Variants in PRPF18 observed in about 807,000 individuals in gnomAD.
PRPF18 encodes pre-mRNA-splicing factor 18.
PRPF18 carries 38 observed loss-of-function variants against 46.5 expected under a neutral mutation model. That is an observed-to-expected ratio of 0.82 (90% CI 0.63 to 1.07). The LOEUF is 1.07. Among genes scored for constraint, PRPF18 ranks in the 50% least tolerant of loss-of-function variants. The pLI, the probability that PRPF18 is intolerant of heterozygous loss-of-function variation, is 0.00. For synonymous variants in PRPF18, 152 were observed against 146.7 expected, an observed-to-expected ratio of 1.04 and a Z score of -0.26; for missense variants, 263 against 410.0, an observed-to-expected ratio of 0.64 and a Z score of 3.10.
At chr10:13,596,707 C>A (rs2080040182) in intron 1 of PRPF18, among the ~76,000 whole-genome samples, 1 of 152,098 alleles carries the variant, frequency 6.6e-6, no homozygotes, top group Non-Finnish European at 1.5e-5. Flanking sequence ...TAGCCACAGA[C>A]AAGATTTAGA....
chr10:13,653,278 C>G, the PRPF18 span: 1 of 152,146 alleles, frequency 6.6e-6, no homozygotes, highest in African/African-American at 2.4e-5. Context: ...CTTTGGGAAG[C>G]TGAGGTGGGT....
intron 4 of PRPF18, among the ~76,000 whole-genome samples, chr10:13,606,003 T>C (rs2502207): frequency 0.71 from 108,431 of 151,982 alleles, 39,192 homozygotes; most frequent in East Asian, 0.84. Flanking sequence ...GAAATTTCCC[T>C]GAGAGCATCA....
chr10:13,652,187 CTT>C, the PRPF18 span: 8 of 589,454 alleles, frequency 1.4e-5, no homozygotes, highest in African/African-American at 1.5e-4. Flanking sequence ...GACGGGCCCT[CTT>C]TTACCCATGG....
Position 13,611,187 on chromosome 10 carries a change from CTTT to C in PRPF18, c.511-412_511-410del, listed in dbSNP as rs35441441. On this transcript the variant is annotated intron_variant, in intron 5 of 9. Transcript: ENST00000378572. The stretch of plus-strand genomic sequence containing the variant: ...ATTGGTATGGGCAACCAGTTGTGGG[CTTT>C]TTTTTTTTTTTTTTTCCTATTGGTG... 4.6e-4 allele frequency among the ~76,000 whole-genome samples: 56 copies of C among 120,972 alleles called. No homozygotes were observed. The East Asian group carries it at 8.7e-3, about 19-fold the overall frequency. The allele number at this position is 120,972 out of a possible 152,430, so 79.4% of individuals were successfully genotyped here. A position where few individuals can be genotyped will look rare whatever the true frequency, so the allele number is the denominator to read the frequency against.
downstream of PRPF18, chr10:13,631,413 C>G (rs1274093679): frequency 1.3e-5 from 2 of 152,252 alleles, no homozygotes; most frequent in Non-Finnish European, 2.9e-5. Context: ...CATCTCAGCT[C>G]TGCACCTGCT....
intron 1 of PRPF18, among the ~76,000 whole-genome samples, chr10:13,589,472 C>T (rs765246416): frequency 3.9e-5 from 6 of 152,258 alleles, no homozygotes; most frequent in East Asian, 1.9e-4. Flanking sequence ...ACTCCTTTAT[C>T]ATAAGGAGTA....
intron 1 of PRPF18, among the ~76,000 whole-genome samples, chr10:13,588,022 C>G (rs2079901900): frequency 6.6e-6 from 1 of 152,122 alleles, no homozygotes; most frequent in South Asian, 2.1e-4. Flanking sequence ...CTAACTGCCC[C>G]CTATCCCCGC....
chr10:13,605,252 T>TA (rs2080166050), intron 3 of PRPF18, among the ~76,000 whole-genome samples: 1 of 152,212 alleles, frequency 6.6e-6, no homozygotes. Context: ...AGGTACAATA[T>TA]ACAAATTGTT....
chr10:13,598,134 G>A (rs1256322437), intron 2 of PRPF18, among the ~76,000 whole-genome samples: 4 of 152,066 alleles, frequency 2.6e-5, no homozygotes, highest in Admixed American at 2.6e-4. Context: ...ATGTCATCTT[G>A]AAATATTTCT....
At chr10:13,614,160 G>T in intron 8 of PRPF18, 74 bp downstream of exon 8, 1 of 1,136,022 alleles carries the variant, frequency 8.8e-7, no homozygotes, top group Non-Finnish European at 1.2e-6. Flanking sequence ...TGTTCATTTG[G>T]GATAGGAGGA....
intron 1 of PRPF18, among the ~76,000 whole-genome samples, chr10:13,590,682 T>C (rs955956949): frequency 6.6e-6 from 1 of 151,236 alleles, no homozygotes; most frequent in African/African-American, 2.4e-5. Context: ...TTAGGCATCA[T>C]GCAATATGTG....
intron 9 of PRPF18, among the ~76,000 whole-genome samples, chr10:13,618,484 G>C (rs1010982086): frequency 6.6e-6 from 1 of 151,794 alleles, no homozygotes; most frequent in African/African-American, 2.4e-5. Flanking sequence ...AAACTAGCCA[G>C]GCATGGTTGT....
chr10:13,601,045 T>C (rs1487671848), intron 3 of PRPF18, among the ~76,000 whole-genome samples: 2 of 152,154 alleles, frequency 1.3e-5, no homozygotes, highest in East Asian at 3.8e-4. Context: ...CCTTCCAAAG[T>C]GCTGGGATTA....
rs111304639 is a variant in PRPF18 at position 13,616,817 on chromosome 10, CT to C, written c.948+275del. ...ACTGAAATAAAATGATTGCAGTTTG[CT>C]TTTTTTTTTTAAGACGTGTATTAGG... On this transcript the variant is annotated intron_variant, in intron 9 of 9. Coordinates refer to ENST00000378572, the MANE Select transcript of PRPF18 (RefSeq NM_003675.4). Among the ~76,000 whole-genome samples the C allele has an allele frequency of 1.6e-3, 229 of 145,532 alleles. 1 individual carries two copies. Among genetic ancestry groups the C allele is most frequent in the South Asian group, 0.013 (59 of 4,566 alleles).
At chr10:13,651,959 G>T in the PRPF18 span, 1 of 1,587,918 alleles carries the variant, frequency 6.3e-7, no homozygotes, top group Non-Finnish European at 8.6e-7. Flanking sequence ...GAATGGGTGA[G>T]TTTTCTGTTG....
the PRPF18 span, among the ~76,000 whole-genome samples, chr10:13,650,268 T>C: frequency 6.6e-6 from 1 of 152,072 alleles, no homozygotes; most frequent in Admixed American, 6.5e-5. Flanking sequence ...CATACTGGGG[T>C]TGTTGAACAG....
chr10:13,610,211 A>C, intron 5 of PRPF18, 26 bp downstream of exon 5: 1 of 1,604,768 alleles, frequency 6.2e-7, no homozygotes, highest in Non-Finnish European at 8.5e-7. Context: ...AGCCCAGCAC[A>C]TCCCTGGCAC....
intron 1 of PRPF18, chr10:13,592,210 C>A: frequency 1.6e-6 from 1 of 615,200 alleles, no homozygotes. Context: ...GCTTCCCCTT[C>A]TTGGGCTTCT....
At chr10:13,654,769 C>A in the PRPF18 span, 1 of 515,520 alleles carries the variant, frequency 1.9e-6, no homozygotes, top group Non-Finnish European at 3.4e-6. Flanking sequence ...CATTCTGAGT[C>A]AAGCTGACCT....
Sources: allele counts gnomAD v4.1 joint callset (sites outside exome capture counted in the v4.1 genomes callset), GRCh38; gene constraint gnomAD v4.1.1; transcripts MANE v1.5; gene names NCBI Gene and HGNC (gene_info 2026-07-23, HGNC 2026-07-21).